CHRM3: variants seen among roughly 807,000 people sequenced by gnomAD.
CHRM3 encodes the protein cholinergic receptor muscarinic 3.
CHRM3 carries 11 observed loss-of-function variants against 41.8 expected under a neutral mutation model. That is an observed-to-expected ratio of 0.26 (90% confidence interval 0.17 to 0.44). The LOEUF (loss-of-function observed/expected upper bound fraction) is 0.44. Ranked by LOEUF, CHRM3 falls within the 20% of genes least tolerant of loss-of-function variation. The probability of loss-of-function intolerance (pLI) is 1.00; values close to 1 mark genes in which losing one functional copy is unlikely to be tolerated. For synonymous variants in CHRM3, 297 were observed against 301.4 expected, an observed-to-expected ratio of 0.99 and a Z score of 0.15; for missense variants, 571 against 745.4, an observed-to-expected ratio of 0.77 and a Z score of 2.72.
At chr1:239,866,420 T>C (rs1268121412) in intron 6 of CHRM3, among the ~76,000 whole-genome samples, 2 of 151,054 alleles carry the variant, frequency 1.3e-5, no homozygotes, top group African/African-American at 2.5e-5. Flanking sequence ...AAAAAAAAGC[T>C]TGCCCAAAAC....
At chr1:239,391,736 T>C (rs1368626545) in intron 1 of CHRM3, among the ~76,000 whole-genome samples, 1 of 152,116 alleles carries the variant, frequency 6.6e-6, no homozygotes, top group African/African-American at 2.4e-5. Context: ...TGCCAGTTCA[T>C]CCTGAAGCCA....
rs201601302 is a variant in CHRM3, at chr1:239,909,203, C to T, written c.1752C>T (p.Arg584=). 1.3e-5 allele frequency: 21 copies of T among 1,609,808 alleles called. No homozygotes were observed. The highest frequency in any genetic ancestry group is 3.3e-5 in the South Asian group (3 of 90,222). The change falls in exon 7 of 7, where the codon CGC becomes CGT. Residue 584 remains arginine, a synonymous_variant. Transcript: ENST00000676153. ...GACAGTCGGTCATTTTTCACAAGCG[C>T]GCACCCGAGCAGGCCTTGTAGAATG... The part of the protein sequence containing the change: ...QQRQSVIFHK[R]APEQAL
At chr1:239,474,873 C>T (rs898757647) in intron 1 of CHRM3, among the ~76,000 whole-genome samples, 2 of 151,940 alleles carry the variant, frequency 1.3e-5, no homozygotes, top group Non-Finnish European at 2.9e-5. Context: ...AAATCATGAA[C>T]TGATATGTTG....
chr1:239,514,625 G>T (rs77809715), intron 2 of CHRM3, among the ~76,000 whole-genome samples: 1 of 151,948 alleles, frequency 6.6e-6, no homozygotes, highest in Non-Finnish European at 1.5e-5. Flanking sequence ...TTGTCTACCT[G>T]CATTAATGAG....
intron 2 of CHRM3, among the ~76,000 whole-genome samples, chr1:239,518,494 G>A (rs1420085894): frequency 6.6e-6 from 1 of 152,178 alleles, no homozygotes; most frequent in Non-Finnish European, 1.5e-5. Context: ...CTCAGTGGGG[G>A]ATGGAGAAAA....
intron 1 of CHRM3, among the ~76,000 whole-genome samples, chr1:239,398,430 T>C (rs139666408): frequency 0.022 from 3,345 of 151,956 alleles, 63 homozygotes; most frequent in Non-Finnish European, 0.037. Flanking sequence ...GAAACGGGGT[T>C]TCACCATGTT....
In CHRM3 at chr1:239,618,761, G is replaced by A. The variant is rs190624685; in HGVS notation, c.-312-13463G>A. On this transcript the variant is annotated intron_variant, in intron 3 of 6. Coordinates refer to ENST00000676153, the MANE Select transcript of CHRM3 (RefSeq NM_001375978.1). ...TGGGAGGCTGAGGCAGGAGAATGGCGTGAACCCGGGAGGCGGAGCTTGCAG... is the reference window on the plus strand; with the variant it reads ...TGGGAGGCTGAGGCAGGAGAATGGCATGAACCCGGGAGGCGGAGCTTGCAG... 9.0e-3 allele frequency among the ~76,000 whole-genome samples: 1,331 copies of A among 147,760 alleles called. 42 individuals carry two copies. The East Asian group carries it at 0.1, about 12-fold the overall frequency.
At chr1:239,404,454 GAAAGAAAGAAAGAAAA>G (rs1660392113) in intron 1 of CHRM3, among the ~76,000 whole-genome samples, 1 of 136,914 alleles carries the variant, frequency 7.3e-6, no homozygotes, top group Non-Finnish European at 1.6e-5. Context: ...AAGAAAGAAA[GAAAGAAAGAAAGAAAA>G]AGAAAGAAAG....
chr1:239,768,196 T>C (rs1200985246), intron 5 of CHRM3, among the ~76,000 whole-genome samples: 4 of 152,228 alleles, frequency 2.6e-5, no homozygotes, highest in Non-Finnish European at 1.5e-5. Flanking sequence ...GAATAGAGTA[T>C]GCCCAATTTT....
In CHRM3 at chr1:239,492,131, C is replaced by T. The variant is rs75278246; in HGVS notation, c.-520-578C>T. Among the ~76,000 whole-genome samples the T allele has an allele frequency of 9.1e-4, 138 of 152,272 alleles. 2 individuals are homozygous for T. In the East Asian group the frequency reaches 0.026, roughly 29 times the overall value. Reference sequence around the variant, plus strand: ...ACACACATAGCTAGTAAGTACAGAACAAGAACTTGAGCCCTGGCTAAGTAT... The same window carrying T: ...ACACACATAGCTAGTAAGTACAGAATAAGAACTTGAGCCCTGGCTAAGTAT... On this transcript the variant is annotated intron_variant, in intron 1 of 6. Transcript: ENST00000676153.
At chr1:239,808,171 C>T (rs527438375) in intron 5 of CHRM3, among the ~76,000 whole-genome samples, 64 of 152,182 alleles carry the variant, frequency 4.2e-4, no homozygotes, top group Non-Finnish European at 7.1e-4. Flanking sequence ...CATGGGAGTT[C>T]GAGGAAGACA....
chr1:239,777,601 G>C (rs745844299), intron 5 of CHRM3, among the ~76,000 whole-genome samples: 7 of 152,144 alleles, frequency 4.6e-5, no homozygotes, highest in Non-Finnish European at 1.0e-4. Flanking sequence ...TAAGGAATTT[G>C]AGGTGGGGGG....
intron 5 of CHRM3, among the ~76,000 whole-genome samples, chr1:239,684,650 CA>C (rs920806716): frequency 9.1e-6 from 1 of 110,364 alleles, no homozygotes; most frequent in African/African-American, 3.5e-5. Flanking sequence ...GATTCCGTCT[CA>C]AAAAAAAGAA....
At chr1:239,667,668 G>A (rs1422660587) in intron 4 of CHRM3, among the ~76,000 whole-genome samples, 1 of 152,138 alleles carries the variant, frequency 6.6e-6, no homozygotes, top group Non-Finnish European at 1.5e-5. Context: ...GCTACCTCCT[G>A]TAAGTGCACA....
intron 6 of CHRM3, among the ~76,000 whole-genome samples, chr1:239,871,941 C>T (rs1676624329): frequency 6.6e-6 from 1 of 152,190 alleles, no homozygotes; most frequent in African/African-American, 2.4e-5. Context: ...TACACACAGC[C>T]TCTCTACTTC....
chr1:239,660,098 C>G (rs1438869593), intron 4 of CHRM3, among the ~76,000 whole-genome samples: 2 of 152,298 alleles, frequency 1.3e-5, no homozygotes, highest in East Asian at 3.9e-4. Context: ...GTAGCTGGTG[C>G]TACAGGCACA....
chr1:239,887,975 A>T (rs2102921121), intron 6 of CHRM3, among the ~76,000 whole-genome samples: 1 of 152,332 alleles, frequency 6.6e-6, no homozygotes, highest in South Asian at 2.1e-4. Context: ...CAAATCTTAT[A>T]AAAGGCCTTT....
At chr1:239,468,809 G>T (rs1232193444) in intron 1 of CHRM3, among the ~76,000 whole-genome samples, 3 of 152,054 alleles carry the variant, frequency 2.0e-5, no homozygotes, top group African/African-American at 7.2e-5. Context: ...TCCAGCATCG[G>T]CTATGTGGCT....
chr1:239,802,583 A>G (rs1212581769), intron 5 of CHRM3, among the ~76,000 whole-genome samples: 1 of 152,074 alleles, frequency 6.6e-6, no homozygotes, highest in East Asian at 1.9e-4. Flanking sequence ...TGTAAATAGC[A>G]GGTGTAGTTA....
Sources: gnomAD v4.1 joint callset for allele counts (sites outside exome capture counted in the v4.1 genomes callset) on GRCh38, gnomAD v4.1.1 for gene constraint, MANE v1.5 for transcripts, NCBI Gene and HGNC (gene_info 2026-07-23, HGNC 2026-07-21) for gene names.